The following RAPH1 variants were observed in gnomAD, a reference collection of about 807,000 sequenced individuals.
RAPH1 encodes Ras association (RalGDS/AF-6) and pleckstrin homology domains 1.
RAPH1 carries 18 observed loss-of-function variants against 88.1 expected under a neutral mutation model. That is an observed-to-expected ratio of 0.20 (90% CI 0.14 to 0.30). The LOEUF is 0.30. Among genes scored for constraint, RAPH1 ranks in the 10% least tolerant of loss-of-function variants. The probability of loss-of-function intolerance (pLI) is 1.00; values close to 1 mark genes in which losing one functional copy is unlikely to be tolerated. For missense variants in RAPH1, 1,448 were observed against 1,543.2 expected, an observed-to-expected ratio of 0.94 and a Z score of 1.03; for synonymous variants, 587 against 559.0, an observed-to-expected ratio of 1.05 and a Z score of -0.71.
At position 203,436,819 on chromosome 2, in the gene RAPH1, A is replaced by G. The variant is rs1301412437; in HGVS notation, c.*2618T>C. The G allele has an allele frequency of 6.6e-6, 1 of 152,278 alleles. No individual in the cohort carries two copies. Among genetic ancestry groups the G allele is most frequent in the Non-Finnish European group, 1.5e-5 (1 of 68,072 alleles). 9.4% of individuals were successfully genotyped at this position (152,278 alleles called of 1,614,324 possible). On this transcript the variant is annotated 3_prime_UTR_variant, in exon 14 of 14. Transcript: ENST00000319170. ...CAGAGAAAAAGAGCTACAGAAATACAGTCTAGGAAAAGCTACATCCCAACA... is the reference window on the plus strand; with the variant it reads ...CAGAGAAAAAGAGCTACAGAAATACGGTCTAGGAAAAGCTACATCCCAACA...
chr2:203,483,607 A>AT (rs1382324365), intron 4 of RAPH1, among the ~76,000 whole-genome samples: 1 of 152,192 alleles, frequency 6.6e-6, no homozygotes, highest in African/African-American at 2.4e-5. Flanking sequence ...GGATTAAGGA[A>AT]TACCTAGAGA....
chr2:203,478,854 A>G (rs1687596285), intron 4 of RAPH1, among the ~76,000 whole-genome samples: 1 of 152,100 alleles, frequency 6.6e-6, no homozygotes, highest in African/African-American at 2.4e-5. Context: ...GCGCTCAAAT[A>G]TTTACAGAAT....
intron 4 of RAPH1, among the ~76,000 whole-genome samples, chr2:203,472,693 A>G (rs1016537574): frequency 1.3e-5 from 2 of 152,230 alleles, no homozygotes; most frequent in Non-Finnish European, 2.9e-5. Context: ...TCAGATCATT[A>G]TATTTCAAAT....
chr2:203,459,873 CA>C (rs2098522963), intron 7 of RAPH1, 33 bp downstream of exon 7: 3 of 1,596,200 alleles, frequency 1.9e-6, no homozygotes, highest in Non-Finnish European at 2.6e-6. Flanking sequence ...GACATATTTA[CA>C]AATCCTGACC....
intron 1 of RAPH1, among the ~76,000 whole-genome samples, chr2:203,533,867 G>A (rs1015746577): frequency 1.3e-5 from 2 of 152,108 alleles, no homozygotes; most frequent in African/African-American, 4.8e-5. Flanking sequence ...CATCTGGGGA[G>A]GTAAACAGGT....
chr2:203,450,040 A>C (rs187178549), intron 10 of RAPH1, among the ~76,000 whole-genome samples: 1 of 150,678 alleles, frequency 6.6e-6, no homozygotes, highest in Non-Finnish European at 1.5e-5. Context: ...AAAAAAAAAC[A>C]AAGAAAGAAA....
At chr2:203,494,295 A>G (rs1471219201) in intron 2 of RAPH1, among the ~76,000 whole-genome samples, 1 of 152,156 alleles carries the variant, frequency 6.6e-6, no homozygotes, top group East Asian at 1.9e-4. Context: ...AGTTAAATTT[A>G]TTTAATAAAC....
rs561471721 is a variant in RAPH1, at chr2:203,470,992, T to A, written c.733-9067A>T. Reference sequence around the variant, plus strand: ...TGTCACACACTTAAATTAATTCAAGTAACTGTTTTCGTGAAAATAATTTGT... The same window carrying A: ...TGTCACACACTTAAATTAATTCAAGAAACTGTTTTCGTGAAAATAATTTGT... On this transcript the variant is annotated intron_variant, in intron 4 of 13. Transcript: ENST00000319170. Among the ~76,000 whole-genome samples the A allele has an allele frequency of 7.9e-5, 12 of 152,332 alleles. No homozygotes were observed. In the South Asian group the frequency reaches 2.5e-3, roughly 32 times the overall value.
chr2:203,473,447 A>G (rs1279803698), intron 4 of RAPH1, among the ~76,000 whole-genome samples: 1 of 152,174 alleles, frequency 6.6e-6, no homozygotes, highest in African/African-American at 2.4e-5. Flanking sequence ...AAGGAGAGTA[A>G]ATTATGTAGT....
chr2:203,447,857 C>G, intron 12 of RAPH1, 102 bp downstream of exon 12: 1 of 1,240,888 alleles, frequency 8.1e-7, no homozygotes, highest in Admixed American at 2.3e-5. Context: ...AAGTATGGCT[C>G]CGGTTTTTAA....
chr2:203,470,164 A>C (rs1370616978), intron 4 of RAPH1: 11 of 934,088 alleles, frequency 1.2e-5, no homozygotes, highest in Non-Finnish European at 5.0e-6. Context: ...ATAATATAAG[A>C]GCATGATCAA....
chr2:203,491,816 C>T (rs1323529470), intron 2 of RAPH1, among the ~76,000 whole-genome samples: 2 of 152,194 alleles, frequency 1.3e-5, no homozygotes, highest in Non-Finnish European at 2.9e-5. Flanking sequence ...CCTATGCTTA[C>T]TTTTAAAGGC....
chr2:203,451,523 T>C (rs902313159), intron 10 of RAPH1, among the ~76,000 whole-genome samples: 5 of 152,206 alleles, frequency 3.3e-5, no homozygotes, highest in Admixed American at 6.5e-5. Context: ...CACAATATTA[T>C]GCTGTCATTT....
intron 1 of RAPH1, among the ~76,000 whole-genome samples, chr2:203,531,699 A>C (rs1035069308): frequency 6.6e-6 from 1 of 152,244 alleles, no homozygotes; most frequent in Non-Finnish European, 1.5e-5. Context: ...GCCCATTAGA[A>C]TAGCTATTAT....
At chr2:203,463,592 G>A (rs1216221535) in intron 4 of RAPH1, among the ~76,000 whole-genome samples, 1 of 152,164 alleles carries the variant, frequency 6.6e-6, no homozygotes, top group South Asian at 2.1e-4. Context: ...AGGAGCCAAT[G>A]AATTACCATA....
At chr2:203,495,028 AT>A (rs762734509) in intron 2 of RAPH1, 263 of 485,386 alleles carry the variant, frequency 5.4e-4, no homozygotes, top group South Asian at 1.0e-3. Flanking sequence ...TCTCACAAGT[AT>A]TTTTTTTAAC....
chr2:203,506,863 T>TATATAG (rs1689090883), intron 1 of RAPH1, among the ~76,000 whole-genome samples: 1 of 88,960 alleles, frequency 1.1e-5, no homozygotes, highest in African/African-American at 5.5e-5. Context: ...TATCTATATA[T>TATATAG]ATATATATAT....
chr2:203,465,648 G>T (rs534726073), intron 4 of RAPH1, among the ~76,000 whole-genome samples: 4 of 152,320 alleles, frequency 2.6e-5, no homozygotes, highest in Admixed American at 1.3e-4. Context: ...AGCACTTTGA[G>T]AGGCCAAGCG....
intron 2 of RAPH1, among the ~76,000 whole-genome samples, chr2:203,492,423 CAA>C: frequency 6.6e-6 from 1 of 152,238 alleles, no homozygotes; most frequent in Non-Finnish European, 1.5e-5. Context: ...CAAGTTCAAA[CAA>C]TGATGAAATA....
Sources: allele counts gnomAD v4.1 joint callset (sites outside exome capture counted in the v4.1 genomes callset), GRCh38; gene constraint gnomAD v4.1.1; transcripts MANE v1.5; gene names NCBI Gene and HGNC (gene_info 2026-07-23, HGNC 2026-07-21).